NFS1: variants seen among roughly 807,000 people sequenced by gnomAD.
The protein encoded by NFS1 is cysteine desulfurase.
A neutral mutation model predicts 57.3 loss-of-function variants in NFS1; 26 were observed. That is an observed-to-expected ratio of 0.45 (90% CI 0.33 to 0.63). NFS1 has a LOEUF of 0.63. NFS1 is among the 20% of genes least tolerant of loss of function. The probability of loss-of-function intolerance (pLI) is 0.02; values close to 1 mark genes in which losing one functional copy is unlikely to be tolerated. For synonymous variants in NFS1, 209 were observed against 216.3 expected, an observed-to-expected ratio of 0.97 and a Z score of 0.30; for missense variants, 505 against 605.8, an observed-to-expected ratio of 0.83 and a Z score of 1.75.
chr20:35,677,717 T>G (rs1381934810), intron 7 of NFS1, among the ~76,000 whole-genome samples: 3 of 152,132 alleles, frequency 2.0e-5, no homozygotes, highest in Non-Finnish European at 2.9e-5. Flanking sequence ...ATGCTGAGAA[T>G]GGAGGTACTA....
At chr20:35,674,326 C>T in intron 10 of NFS1, 24 bp downstream of exon 10, 1 of 1,603,598 alleles carries the variant, frequency 6.2e-7, no homozygotes, top group Admixed American at 1.7e-5. Context: ...CTGCCGCAGG[C>T]CCTGTCTATG....
At chr20:35,681,419 C>T (rs766287850) in intron 6 of NFS1, among the ~76,000 whole-genome samples, 3 of 152,140 alleles carry the variant, frequency 2.0e-5, no homozygotes, top group Non-Finnish European at 4.4e-5. Context: ...TAGACCTGGC[C>T]GGGAGCAGTG....
At chr20:35,698,863 G>T (rs1022786463) in intron 1 of NFS1, 77 of 1,346,262 alleles carry the variant, frequency 5.7e-5, no homozygotes, top group Admixed American at 7.3e-5. Flanking sequence ...ACGTTTAGAA[G>T]GAACGTGGAG....
chr20:35,680,241 C>G (rs1435377761), intron 7 of NFS1, among the ~76,000 whole-genome samples: 1 of 152,014 alleles, frequency 6.6e-6, no homozygotes, highest in Non-Finnish European at 1.5e-5. Context: ...GGAGGTGGAG[C>G]TTGCAGTGAA....
At chr20:35,687,583 G>A (rs1468644141) in intron 5 of NFS1, among the ~76,000 whole-genome samples, 1 of 152,096 alleles carries the variant, frequency 6.6e-6, no homozygotes, top group Non-Finnish European at 1.5e-5. Context: ...CTGGCATTCG[G>A]GGCCACTACC....
At chr20:35,688,780 G>C (rs1465851557) in intron 5 of NFS1, among the ~76,000 whole-genome samples, 1 of 151,326 alleles carries the variant, frequency 6.6e-6, no homozygotes, top group Non-Finnish European at 1.5e-5. Flanking sequence ...AAAAGAGGGA[G>C]AAAGGAAGGA....
chr20:35,672,793 C>T lies in NFS1; in HGVS notation c.1272G>A (p.Glu424=). ...GACGCTTCACATGCTGAATGCATTT[C>T]TCCACTGTGTAGTCCACTTCCTCCT... ...TTEEEVDYTV[E]KCIQHVKRLR... The change falls in exon 12 of 13, where the codon GAG becomes GAA. Residue 424 remains glutamate, a synonymous_variant. Transcript: ENST00000374092. 1.9e-6 allele frequency: 3 copies of T among 1,613,802 alleles called. No individual in the cohort carries two copies. Among genetic ancestry groups the T allele is most frequent in the Non-Finnish European group, 2.5e-6 (3 of 1,179,722 alleles).
At chr20:35,689,991 C>T (rs542073591) in intron 5 of NFS1, among the ~76,000 whole-genome samples, 58 of 147,036 alleles carry the variant, frequency 3.9e-4, no homozygotes, top group African/African-American at 1.5e-3. Context: ...CCCAGCTACT[C>T]GGGAGGGTGA....
intron 4 of NFS1, among the ~76,000 whole-genome samples, chr20:35,692,072 G>C: frequency 6.6e-6 from 1 of 152,056 alleles, no homozygotes; most frequent in South Asian, 2.1e-4. Context: ...TGTAATCCCA[G>C]ATACTCTGGA....
chr20:35,696,324 C>G (rs1395173235), intron 4 of NFS1, 53 bp downstream of exon 4: 4 of 1,209,100 alleles, frequency 3.3e-6, no homozygotes, highest in Non-Finnish European at 4.9e-6. Context: ...TGGAGGGACA[C>G]TATCTCCTAG....
At chr20:35,692,469 G>T (rs1243431725) in intron 4 of NFS1, 3 of 143,924 alleles carry the variant, frequency 2.1e-5, no homozygotes, top group Admixed American at 7.3e-5. Context: ...GGAGACTAAG[G>T]CAGGAGGATC....
At chr20:35,678,443 G>A (rs533915221) in intron 7 of NFS1, among the ~76,000 whole-genome samples, 8 of 151,178 alleles carry the variant, frequency 5.3e-5, no homozygotes, top group African/African-American at 9.7e-5. Flanking sequence ...CAGGAGAATC[G>A]CTTGAACCCG....
In NFS1 at chr20:35,674,482, A is replaced by G. The variant is rs749664088; in HGVS notation, c.1054+30T>C. On this transcript the variant is annotated intron_variant, in intron 9 of 12. Coordinates refer to ENST00000374092, the MANE Select transcript of NFS1 (RefSeq NM_021100.5). ...AGGTCTCAGAGTCTCAGCCTCTACC[A>G]GAATGAGGATAGAAAGAGCAAGTCC... 34 of 1,611,362 alleles carry G rather than the reference A, an allele frequency of 2.1e-5. No homozygotes were observed. In the Admixed American group the frequency reaches 5.5e-4, roughly 26 times the overall value.
intron 7 of NFS1, among the ~76,000 whole-genome samples, chr20:35,676,500 C>T (rs552918296): frequency 2.0e-4 from 31 of 151,460 alleles, no homozygotes; most frequent in East Asian, 1.2e-3. Context: ...GCAGGAGAAT[C>T]GCCTGAACTT....
rs2035025288 is a variant in NFS1 at position 35,690,564 on chromosome 20, C to T, written c.410G>A (p.Gly137Glu). Residue 137 changes from glycine (G) to glutamate (E), a missense_variant and splice_region_variant, in exon 5 of 13, where the codon GGG (glycine) becomes GAG (glutamate). Physicochemically the swap from Gly to Glu is moderately conservative, Grantham distance 98 (BLOSUM62 -2). Transcript: ENST00000374092. ...CCGTGACCTGTAGAATCGGGCCACC[C>T]CCTAGAAATTGGTGGTGACAGATGG... ...ATESNNIAIK[G>E]VARFYRSRKK... 2 of 1,613,556 alleles carry T rather than the reference C, an allele frequency of 1.2e-6. No homozygotes were observed. Among genetic ancestry groups the T allele is most frequent in the Admixed American group, 1.7e-5 (1 of 59,914 alleles).
chr20:35,693,805 T>C (rs754038332), intron 4 of NFS1, among the ~76,000 whole-genome samples: 6 of 151,880 alleles, frequency 4.0e-5, no homozygotes, highest in East Asian at 3.9e-4. Context: ...CTACTAAAAA[T>C]AGAAAAATTA....
At chr20:35,674,153 G>A in intron 10 of NFS1, 197 bp downstream of exon 10, 4 of 579,354 alleles carry the variant, frequency 6.9e-6, no homozygotes, top group Non-Finnish European at 1.2e-5. Flanking sequence ...TCTACCCCAG[G>A]AAGTCTTCCT....
intron 5 of NFS1, among the ~76,000 whole-genome samples, chr20:35,684,606 G>A (rs1464936930): frequency 6.6e-6 from 1 of 150,762 alleles, no homozygotes; most frequent in Non-Finnish European, 1.5e-5. Flanking sequence ...AAAAATCAGT[G>A]GAGCATGGTG....
chr20:35,689,082 T>G (rs1421237275), intron 5 of NFS1, among the ~76,000 whole-genome samples: 1 of 152,204 alleles, frequency 6.6e-6, no homozygotes, highest in Non-Finnish European at 1.5e-5. Context: ...GAAGCATCAG[T>G]GCAGGGAAGG....
Sources: allele counts gnomAD v4.1 joint callset (sites outside exome capture counted in the v4.1 genomes callset), GRCh38; gene constraint gnomAD v4.1.1; transcripts MANE v1.5; gene names NCBI Gene and HGNC (gene_info 2026-07-23, HGNC 2026-07-21).